The following POU6F2 variants were observed in gnomAD, a reference collection of about 807,000 sequenced individuals.
POU6F2 encodes POU domain, class 6, transcription factor 2.
Under a neutral mutation model 71.3 loss-of-function variants are expected in POU6F2, and 31 were observed. That is an observed-to-expected ratio of 0.43 (90% confidence interval 0.33 to 0.59). The LOEUF (loss-of-function observed/expected upper bound fraction) is 0.59. POU6F2 is among the 20% of genes least tolerant of loss of function. POU6F2 has a pLI of 0.04. For missense variants in POU6F2, 783 were observed against 856.8 expected (o/e 0.91, Z 1.07); for synonymous variants, 347 against 355.7 (o/e 0.98, Z 0.27).
chr7:39,264,419 T>C (rs1583483753), intron 4 of POU6F2, among the ~76,000 whole-genome samples: 1 of 152,174 alleles, frequency 6.6e-6, no homozygotes, highest in East Asian at 1.9e-4. Context: ...TAATGAAGAT[T>C]TGAGGAAACC....
chr7:39,028,815 C>CT (rs1554310200), intron 1 of POU6F2, among the ~76,000 whole-genome samples: 16 of 151,432 alleles, frequency 1.1e-4, no homozygotes, highest in Non-Finnish European at 1.5e-4. Context: ...AAATTTTTTT[C>CT]TTTTTTTTGA....
chr7:39,252,651 C>G (rs943831576), intron 4 of POU6F2, among the ~76,000 whole-genome samples: 4 of 152,048 alleles, frequency 2.6e-5, no homozygotes, highest in Non-Finnish European at 4.4e-5. Context: ...TTTGGAGAAA[C>G]CTAACAGCCT....
At chr7:39,413,838 C>T (rs1405472909) in intron 6 of POU6F2, among the ~76,000 whole-genome samples, 2 of 152,238 alleles carry the variant, frequency 1.3e-5, no homozygotes, top group East Asian at 3.9e-4. Flanking sequence ...ATCAAATTTC[C>T]CCTTAGAGCC....
intron 1 of POU6F2, among the ~76,000 whole-genome samples, chr7:38,991,950 G>T (rs1788614796): frequency 6.6e-6 from 1 of 151,126 alleles, no homozygotes. Context: ...CTCTACAATG[G>T]AATTGGCCCA....
chr7:39,064,900 A>T (rs1790726921), intron 1 of POU6F2, among the ~76,000 whole-genome samples: 1 of 151,912 alleles, frequency 6.6e-6, no homozygotes, highest in African/African-American at 2.4e-5. Flanking sequence ...CACATCAAAT[A>T]ACAAGACTTA....
chr7:39,372,782 A>G (rs917981722), intron 5 of POU6F2, among the ~76,000 whole-genome samples: 17 of 152,182 alleles, frequency 1.1e-4, no homozygotes, highest in African/African-American at 2.4e-5. Context: ...TATCAAATCA[A>G]TTGTAAATGT....
At chr7:39,205,814 C>G (rs1002336292) in intron 3 of POU6F2, among the ~76,000 whole-genome samples, 5 of 152,170 alleles carry the variant, frequency 3.3e-5, no homozygotes, top group African/African-American at 1.2e-4. Flanking sequence ...GAGTCTCCCC[C>G]AAAGGGTCCT....
intron 1 of POU6F2, among the ~76,000 whole-genome samples, chr7:39,047,349 G>T (rs1392029150): frequency 6.6e-6 from 1 of 151,778 alleles, no homozygotes; most frequent in Non-Finnish European, 1.5e-5. Context: ...CATGAAAAGG[G>T]AATATGTCTC....
intron 1 of POU6F2, among the ~76,000 whole-genome samples, chr7:38,979,850 C>T (rs1410263263): frequency 6.6e-6 from 1 of 151,504 alleles, no homozygotes; most frequent in African/African-American, 2.4e-5. Flanking sequence ...ATAGGATTTC[C>T]TTTTTCTATA....
At chr7:39,116,026 C>A (rs1791920796) in intron 2 of POU6F2, among the ~76,000 whole-genome samples, 1 of 152,164 alleles carries the variant, frequency 6.6e-6, no homozygotes, top group South Asian at 2.1e-4. Context: ...ACCTACTCAG[C>A]AGACTCGCCT....
At chr7:39,003,698 A>G (rs576571068) in intron 1 of POU6F2, among the ~76,000 whole-genome samples, 9 of 151,956 alleles carry the variant, frequency 5.9e-5, no homozygotes, top group South Asian at 4.2e-4. Flanking sequence ...GCAGTGAGCC[A>G]AGATCGCGCC....
At chr7:39,363,139 G>A (rs1233908530) in intron 5 of POU6F2, among the ~76,000 whole-genome samples, 1 of 152,214 alleles carries the variant, frequency 6.6e-6, no homozygotes, top group Non-Finnish European at 1.5e-5. Context: ...TCCAGACAAA[G>A]ACAATCATGG....
chr7:39,166,629 G>A (rs1440216606), intron 2 of POU6F2, among the ~76,000 whole-genome samples: 2 of 152,122 alleles, frequency 1.3e-5, no homozygotes, highest in Non-Finnish European at 1.5e-5. Flanking sequence ...CACTTCCAAG[G>A]GACTGAGGGC....
At chr7:39,219,303 G>A (rs1794304224) in intron 4 of POU6F2, among the ~76,000 whole-genome samples, 1 of 152,146 alleles carries the variant, frequency 6.6e-6, no homozygotes, top group South Asian at 2.1e-4. Context: ...CTACATAAAA[G>A]TTTCAACAGT....
chr7:39,042,594 G>A (rs1465532207), intron 1 of POU6F2, among the ~76,000 whole-genome samples: 1 of 152,014 alleles, frequency 6.6e-6, no homozygotes, highest in Non-Finnish European at 1.5e-5. Flanking sequence ...ATTTTGAAGT[G>A]AAGTTGTTTG....
intron 2 of POU6F2, among the ~76,000 whole-genome samples, chr7:39,187,528 G>T (rs1207357299): frequency 1.3e-5 from 2 of 152,222 alleles, no homozygotes; most frequent in Admixed American, 1.3e-4. Flanking sequence ...CTATGCTTGT[G>T]GTCTGCACGT....
At chr7:39,208,242 A>G (rs558794916) in intron 4 of POU6F2, among the ~76,000 whole-genome samples, 1 of 152,324 alleles carries the variant, frequency 6.6e-6, no homozygotes, top group Admixed American at 6.5e-5. Flanking sequence ...TCTTGATATT[A>G]TGAAGGTTTT....
Position 39,021,659 on chromosome 7 carries a change from A to G in POU6F2, c.105+43601A>G, listed in dbSNP as rs553739277. 2.0e-4 allele frequency among the ~76,000 whole-genome samples: 31 copies of G among 152,076 alleles called. No individual in the cohort carries two copies. In the South Asian group the frequency reaches 6.4e-3, roughly 32 times the overall value. ...AAAATGTTTACTACAAATTCCCTCTATTCCATTATAGTTATGTTGATTCAC... is the reference window on the plus strand; with the variant it reads ...AAAATGTTTACTACAAATTCCCTCTGTTCCATTATAGTTATGTTGATTCAC... On this transcript the variant is annotated intron_variant, in intron 1 of 9. Transcript: ENST00000518318.
At chr7:38,983,073 T>C (rs963827517) in intron 1 of POU6F2, among the ~76,000 whole-genome samples, 5 of 152,162 alleles carry the variant, frequency 3.3e-5, no homozygotes, top group African/African-American at 1.2e-4. Flanking sequence ...TTCAATTGCA[T>C]TGTGATATTG....
Sources: allele counts gnomAD v4.1 joint callset (sites outside exome capture counted in the v4.1 genomes callset), GRCh38; gene constraint gnomAD v4.1.1; transcripts MANE v1.5; gene names NCBI Gene and HGNC (gene_info 2026-07-23, HGNC 2026-07-21).